The following SYCP2L variants were observed in gnomAD, a reference collection of about 807,000 sequenced individuals.
SYCP2L encodes synaptonemal complex protein 2-like.
SYCP2L carries 98 observed loss-of-function variants against 125.8 expected under a neutral mutation model. That is an observed-to-expected ratio of 0.78 (90% confidence interval 0.66 to 0.92). SYCP2L has a LOEUF of 0.92. Ranked by LOEUF, SYCP2L falls within the 40% of genes least tolerant of loss-of-function variation. The probability of loss-of-function intolerance (pLI) is 0.00; values close to 1 mark genes in which losing one functional copy is unlikely to be tolerated. For synonymous variants in SYCP2L, 317 were observed against 325.4 expected (o/e 0.97, Z 0.28); for missense variants, 842 against 936.4 (o/e 0.90, Z 1.32).
chr6:10,961,463 C>G, intron 27 of SYCP2L, 37 bp from the exon 28 acceptor site: 1 of 1,613,246 alleles, frequency 6.2e-7, no homozygotes. Context: ...GGAAAAATAA[C>G]GCTAGCTACT....
At chr6:10,920,304 G>C (rs1780771961) in intron 14 of SYCP2L, among the ~76,000 whole-genome samples, 1 of 152,120 alleles carries the variant, frequency 6.6e-6, no homozygotes, top group African/African-American at 2.4e-5. Context: ...TGCAACCTCT[G>C]CCTCCTGTGT....
At chr6:10,966,484 A>G (rs1781679741) in intron 29 of SYCP2L, among the ~76,000 whole-genome samples, 1 of 152,188 alleles carries the variant, frequency 6.6e-6, no homozygotes, top group South Asian at 2.1e-4. Flanking sequence ...ATCAGGACCA[A>G]TGGATGGGAG....
chr6:10,932,417 A>G (rs1201602945), intron 20 of SYCP2L, among the ~76,000 whole-genome samples: 1 of 152,204 alleles, frequency 6.6e-6, no homozygotes, highest in Non-Finnish European at 1.5e-5. Flanking sequence ...AGAGCATATC[A>G]GCAAGTTCGG....
At chr6:10,911,011 G>C in intron 12 of SYCP2L, 142 bp downstream of exon 12, 1 of 856,192 alleles carries the variant, frequency 1.2e-6, no homozygotes, top group African/African-American at 1.7e-5. Flanking sequence ...AATGACCTCA[G>C]TTCTCAAACC....
chr6:10,903,012 C>A, intron 8 of SYCP2L, 49 bp downstream of exon 8: 1 of 1,475,224 alleles, frequency 6.8e-7, no homozygotes, highest in Non-Finnish European at 9.5e-7. Context: ...TAAAATCTCT[C>A]ATGAGTGTAT....
In SYCP2L at chr6:10,912,576, G is replaced by A. The variant is rs1480518377; in HGVS notation, c.919-97G>A. 4.6e-6 allele frequency: 4 copies of A among 878,566 alleles called. No homozygotes were observed. The highest frequency in any genetic ancestry group is 7.2e-6 in the Non-Finnish European group (4 of 558,906). The allele number at this position is 878,566 out of a possible 1,614,324, so 54.4% of individuals were successfully genotyped here. ...ATAATGCTAGGATAATGCTGTTCCA[G>A]GAAGAGCACAAATTCTATTTTCAAG... On this transcript the variant is annotated intron_variant, in intron 12 of 29. Coordinates refer to ENST00000283141, the MANE Select transcript of SYCP2L (RefSeq NM_001040274.3). This position sits in a 1 kb window ranked among gnomAD's most constrained non-coding sequence, Gnocchi z 4.1.
chr6:10,910,376 G>C (rs987480203), intron 11 of SYCP2L, among the ~76,000 whole-genome samples, 176 bp downstream of exon 11: 1 of 152,164 alleles, frequency 6.6e-6, no homozygotes, highest in Non-Finnish European at 1.5e-5. Flanking sequence ...TTTCTGCCTA[G>C]TGGCTTGTTC....
At chr6:10,896,064 GA>G (rs977251517) in intron 4 of SYCP2L, among the ~76,000 whole-genome samples, 2 of 152,166 alleles carry the variant, frequency 1.3e-5, no homozygotes, top group Non-Finnish European at 2.9e-5. Context: ...TGAGGCAGGA[GA>G]ATTGCTTAAG....
intron 23 of SYCP2L, among the ~76,000 whole-genome samples, chr6:10,946,530 G>A (rs1281955460): frequency 5.3e-5 from 8 of 151,998 alleles, no homozygotes; most frequent in African/African-American, 1.9e-4. Context: ...TTTAAAACTT[G>A]AGGTTGAATT....
At chr6:10,928,731 T>G (rs1780940578) in intron 18 of SYCP2L, among the ~76,000 whole-genome samples, 1 of 151,740 alleles carries the variant, frequency 6.6e-6, no homozygotes, top group Non-Finnish European at 1.5e-5. Context: ...AGAGATGGAG[T>G]CTCGCTCCAT....
At chr6:10,898,425 A>C (rs1380557695) in intron 5 of SYCP2L, among the ~76,000 whole-genome samples, 2 of 152,166 alleles carry the variant, frequency 1.3e-5, no homozygotes, top group Non-Finnish European at 2.9e-5. Context: ...AGGCAGGAGA[A>C]TCGCTTGAAC....
intron 23 of SYCP2L, among the ~76,000 whole-genome samples, chr6:10,950,866 G>A (rs1781398841): frequency 6.6e-6 from 1 of 152,102 alleles, no homozygotes; most frequent in African/African-American, 2.4e-5. Context: ...TTGACATGTT[G>A]GCTAGGCTGG....
Position 10,907,527 on chromosome 6 carries a change from G to GT in SYCP2L, c.677-10dup. On this transcript the variant is annotated splice_polypyrimidine_tract_variant and intron_variant, in intron 9 of 29. Transcript: ENST00000283141. The stretch of plus-strand genomic sequence containing the variant: ...GCCCAGAATTATCTATGTCTACTAT[G>GT]TTTTTAATCTCTAGATTATGACCAG... 6.2e-7 allele frequency: 1 copy of GT among 1,605,284 alleles called. No individual in the cohort carries two copies. Among genetic ancestry groups the GT allele is most frequent in the Non-Finnish European group, 8.5e-7 (1 of 1,177,000 alleles).
intron 1 of SYCP2L, among the ~76,000 whole-genome samples, chr6:10,889,334 T>C (rs1780136148): frequency 6.6e-6 from 1 of 152,236 alleles, no homozygotes; most frequent in African/African-American, 2.4e-5. Context: ...TAGTGTGATA[T>C]TTCCATATGT....
chr6:10,943,536 A>T (rs1485964464), intron 23 of SYCP2L, among the ~76,000 whole-genome samples: 1 of 151,288 alleles, frequency 6.6e-6, no homozygotes, highest in Non-Finnish European at 1.5e-5. Context: ...ATACATTCAG[A>T]AGAGATAGAT....
At chr6:10,924,388 C>G (rs1780861605) in intron 14 of SYCP2L, 108 bp from the exon 15 acceptor site, 17 of 936,314 alleles carry the variant, frequency 1.8e-5, no homozygotes, top group Non-Finnish European at 2.5e-5. Flanking sequence ...CTTCTTAACA[C>G]AGAAAAATCT....
intron 23 of SYCP2L, among the ~76,000 whole-genome samples, chr6:10,945,109 T>C (rs1420109075): frequency 6.6e-6 from 1 of 152,224 alleles, no homozygotes; most frequent in Non-Finnish European, 1.5e-5. Flanking sequence ...TAGCTATCTT[T>C]TTGTTATGGT....
At chr6:10,955,972 T>C (rs1180755641) in intron 24 of SYCP2L, among the ~76,000 whole-genome samples, 164 bp from the exon 25 acceptor site, 1 of 152,142 alleles carries the variant, frequency 6.6e-6, no homozygotes, top group East Asian at 1.9e-4. Context: ...ATAGAAGAAA[T>C]GAGCACTTTC....
intron 20 of SYCP2L, among the ~76,000 whole-genome samples, chr6:10,933,806 A>G (rs529088732): frequency 6.6e-6 from 1 of 152,324 alleles, no homozygotes; most frequent in South Asian, 2.1e-4. Context: ...GTAAAATCTC[A>G]ATTAACTCAA....
Sources: gnomAD v4.1 joint callset for allele counts (sites outside exome capture counted in the v4.1 genomes callset) on GRCh38, gnomAD v4.1.1 for gene constraint, Gnocchi (gnomAD v3.1) non-coding constraint, MANE v1.5 for transcripts, NCBI Gene and HGNC (gene_info 2026-07-23, HGNC 2026-07-21) for gene names.